The following SGCZ variants were observed in gnomAD, a reference collection of about 807,000 sequenced individuals.
SGCZ encodes the protein sarcoglycan zeta, also known as zeta-sarcoglycan.
In SGCZ, 40 loss-of-function variants were observed where a neutral mutation model predicts 41.3. The observed-to-expected ratio is 0.97, with a 90% CI of 0.75 to 1.26. SGCZ has a LOEUF of 1.26. Among genes scored for constraint, SGCZ ranks in the 50% most tolerant of loss-of-function variants. The probability of loss-of-function intolerance (pLI) is 0.00; values close to 1 mark genes in which losing one functional copy is unlikely to be tolerated. For missense variants in SGCZ, 552 were observed against 369.8 expected, an observed-to-expected ratio of 1.49 and a Z score of -4.04; for synonymous variants, 206 against 137.5, an observed-to-expected ratio of 1.50 and a Z score of -3.49.
At chr8:14,271,489 C>G (rs992155461) in intron 3 of SGCZ, among the ~76,000 whole-genome samples, 8 of 152,090 alleles carry the variant, frequency 5.3e-5, no homozygotes, top group African/African-American at 1.9e-4. Context: ...CTCATTTGAC[C>G]AACAGGAGAT....
At chr8:14,488,241 T>C (rs1563362254) in intron 2 of SGCZ, among the ~76,000 whole-genome samples, 1 of 152,242 alleles carries the variant, frequency 6.6e-6, no homozygotes, top group East Asian at 1.9e-4. Flanking sequence ...AAAACACATT[T>C]GTTGTCCTTT....
intron 2 of SGCZ, among the ~76,000 whole-genome samples, chr8:14,437,529 A>T (rs924270379): frequency 6.6e-6 from 1 of 152,122 alleles, no homozygotes; most frequent in East Asian, 1.9e-4. Flanking sequence ...TACATTTTTC[A>T]TAAAATAGGT....
At chr8:14,585,551 G>A (rs1291934882) in intron 1 of SGCZ, among the ~76,000 whole-genome samples, 1 of 151,892 alleles carries the variant, frequency 6.6e-6, no homozygotes, top group Admixed American at 6.6e-5. Context: ...ATGGAACCAA[G>A]GCAAAAATAA....
chr8:14,511,211 T>C (rs1207740436), intron 2 of SGCZ, among the ~76,000 whole-genome samples: 1 of 39,652 alleles, frequency 2.5e-5, no homozygotes, highest in Admixed American at 3.8e-4. Context: ...ATTTTCTTTC[T>C]GTCTTGGCAG....
chr8:14,647,032 G>A (rs1807244645), intron 1 of SGCZ, among the ~76,000 whole-genome samples: 1 of 152,058 alleles, frequency 6.6e-6, no homozygotes, highest in South Asian at 2.1e-4. Flanking sequence ...AGGTGGTCTT[G>A]TGGAATATGG....
At chr8:15,237,370 C>G (rs1041122241) in intron 1 of SGCZ, among the ~76,000 whole-genome samples, 3 of 152,178 alleles carry the variant, frequency 2.0e-5, no homozygotes, top group Non-Finnish European at 4.4e-5. Context: ...GGGAGGGCGC[C>G]CAGCCCGGGA....
chr8:15,082,238 T>A (rs538939335), intron 1 of SGCZ, among the ~76,000 whole-genome samples: 17 of 151,874 alleles, frequency 1.1e-4, no homozygotes, highest in East Asian at 5.8e-4. Context: ...CAAAAAAAAA[T>A]AAATAAATAA....
rs75179385 is a variant in SGCZ, at chr8:15,134,665, G to A, written c.39+102920C>T. 4.9e-3 allele frequency among the ~76,000 whole-genome samples: 746 copies of A among 152,172 alleles called. 4 individuals are homozygous for A. The highest frequency in any genetic ancestry group is 0.017 in the African/African-American group (694 of 41,534). The stretch of plus-strand genomic sequence containing the variant: ...ATACACAGCTGATTCTATGCAAGAC[G>A]AGTCACCAAAAAGCCCAATTCAGAG... On this transcript the variant is annotated intron_variant, in intron 1 of 7. Coordinates refer to ENST00000382080, the MANE Select transcript of SGCZ (RefSeq NM_139167.4).
chr8:15,095,900 C>G (rs1258207589), intron 1 of SGCZ, among the ~76,000 whole-genome samples: 1 of 152,098 alleles, frequency 6.6e-6, no homozygotes, highest in Non-Finnish European at 1.5e-5. Flanking sequence ...TGATTTTCAA[C>G]AAGGATCAAG....
chr8:15,140,188 C>T (rs755328755), intron 1 of SGCZ, among the ~76,000 whole-genome samples: 2 of 151,950 alleles, frequency 1.3e-5, no homozygotes, highest in Non-Finnish European at 2.9e-5. Flanking sequence ...CCATGGTTGG[C>T]TAATTTTTTA....
intron 3 of SGCZ, among the ~76,000 whole-genome samples, chr8:14,312,211 C>T (rs1040129970): frequency 2.6e-5 from 4 of 152,012 alleles, no homozygotes; most frequent in African/African-American, 7.2e-5. Context: ...ACGTTCAGAA[C>T]GTGTAAAATG....
chr8:14,519,133 T>C (rs550878304), intron 2 of SGCZ, among the ~76,000 whole-genome samples: 2 of 151,358 alleles, frequency 1.3e-5, no homozygotes, highest in South Asian at 2.1e-4. Context: ...TTAGTTCTTA[T>C]AAGTTACTAG....
intron 1 of SGCZ, among the ~76,000 whole-genome samples, chr8:15,042,384 G>C (rs1210838017): frequency 6.6e-6 from 1 of 152,108 alleles, no homozygotes; most frequent in African/African-American, 2.4e-5. Flanking sequence ...GAGTAAGTAA[G>C]GTTTTAAATC....
At chr8:14,625,616 A>G (rs1301238214) in intron 1 of SGCZ, among the ~76,000 whole-genome samples, 1 of 152,086 alleles carries the variant, frequency 6.6e-6, no homozygotes, top group Non-Finnish European at 1.5e-5. Context: ...ATTTTGTAGA[A>G]GACAGGGTCT....
chr8:14,139,568 C>T (rs748030342), intron 5 of SGCZ, among the ~76,000 whole-genome samples: 1 of 152,126 alleles, frequency 6.6e-6, no homozygotes, highest in Non-Finnish European at 1.5e-5. Context: ...CACCTCTACA[C>T]AAATAAACTA....
At chr8:14,869,163 G>A (rs552857655) in intron 1 of SGCZ, among the ~76,000 whole-genome samples, 3 of 152,256 alleles carry the variant, frequency 2.0e-5, no homozygotes, top group South Asian at 4.1e-4. Flanking sequence ...CAATATCCCT[G>A]ATGAACATCA....
intron 2 of SGCZ, among the ~76,000 whole-genome samples, chr8:14,434,670 AGGG>A (rs1800037259): frequency 6.6e-6 from 1 of 152,134 alleles, no homozygotes; most frequent in African/African-American, 2.4e-5. Context: ...TATTCCTTGT[AGGG>A]GTCTTTTACC....
intron 1 of SGCZ, among the ~76,000 whole-genome samples, chr8:15,094,226 C>G (rs1159568843): frequency 6.6e-6 from 1 of 152,002 alleles, no homozygotes; most frequent in Non-Finnish European, 1.5e-5. Context: ...ACTCTACCTC[C>G]CAGGTTCAAG....
At chr8:14,418,932 C>G (rs1464968358) in intron 2 of SGCZ, among the ~76,000 whole-genome samples, 1 of 151,924 alleles carries the variant, frequency 6.6e-6, no homozygotes, top group Non-Finnish European at 1.5e-5. Flanking sequence ...CACTTCATAA[C>G]TGTAGGTTTC....
Sources: gnomAD v4.1 joint callset for allele counts (sites outside exome capture counted in the v4.1 genomes callset) on GRCh38, gnomAD v4.1.1 for gene constraint, MANE v1.5 for transcripts, NCBI Gene and HGNC (gene_info 2026-07-23, HGNC 2026-07-21) for gene names.